Variants in ARL15 observed in about 807,000 individuals in gnomAD.
ARL15 encodes ADP-ribosylation factor-like protein 15.
A neutral mutation model predicts 25.2 loss-of-function variants in ARL15; 19 were observed. The ratio of observed to expected loss-of-function variants is 0.75; its 90% confidence interval spans 0.53 to 1.10. The LOEUF (loss-of-function observed/expected upper bound fraction) is 1.10, where lower values mean the gene tolerates loss of function less well. Ranked by LOEUF, ARL15 falls within the 50% of genes least tolerant of loss-of-function variation. The pLI is 0.00. For synonymous variants in ARL15, 94 were observed against 86.8 expected (o/e 1.08, Z -0.46); for missense variants, 220 against 246.0 (o/e 0.89, Z 0.71).
At chr5:54,027,358 G>A (rs1749813695) in intron 4 of ARL15, among the ~76,000 whole-genome samples, 1 of 152,160 alleles carries the variant, frequency 6.6e-6, no homozygotes, top group Non-Finnish European at 1.5e-5. Flanking sequence ...AATTGTGAAT[G>A]GTGAGATTCC....
intron 3 of ARL15, among the ~76,000 whole-genome samples, chr5:54,126,212 C>T (rs1753247228): frequency 6.6e-6 from 1 of 152,164 alleles, no homozygotes. Flanking sequence ...ATCACGAAAA[C>T]ACTCAGTTCA....
chr5:54,160,081 A>G (rs1394166136), intron 2 of ARL15, among the ~76,000 whole-genome samples: 1 of 152,240 alleles, frequency 6.6e-6, no homozygotes, highest in Non-Finnish European at 1.5e-5. Context: ...AGGGAAAGAC[A>G]TTCTACAGAT....
intron 3 of ARL15, among the ~76,000 whole-genome samples, chr5:54,144,484 C>A (rs546207487): frequency 6.6e-6 from 1 of 152,200 alleles, no homozygotes; most frequent in East Asian, 1.9e-4. Context: ...TTCTTAATTT[C>A]TGTGCTTGAG....
In ARL15 at chr5:53,951,387, T is replaced by C. The variant is rs966876419; in HGVS notation, c.463-64674A>G. On this transcript the variant is annotated intron_variant, in intron 4 of 4. Transcript: ENST00000504924. ...GCTTTTGTAGAATACAAAAATCATA[T>C]ACTTTGGATGTTGCAGAGATGTCAG... The C allele has an allele frequency of 7.4e-6, 3 of 406,260 alleles. No individual in the cohort carries two copies. The Admixed American group carries it at 9.9e-5, about 13-fold the overall frequency. 25.2% of individuals were successfully genotyped at this position (406,260 alleles called of 1,614,324 possible).
At chr5:54,067,822 C>A (rs1159587864) in intron 4 of ARL15, among the ~76,000 whole-genome samples, 1 of 152,198 alleles carries the variant, frequency 6.6e-6, no homozygotes, top group African/African-American at 2.4e-5. Context: ...TGTGCCAAAT[C>A]TCTTGACAAG....
At chr5:54,277,881 C>T (rs2112660709) in intron 1 of ARL15, among the ~76,000 whole-genome samples, 1 of 152,352 alleles carries the variant, frequency 6.6e-6, no homozygotes, top group South Asian at 2.1e-4. Flanking sequence ...TAGTTCAAAT[C>T]TCCATCACTT....
At chr5:54,306,391 C>CTTTT (rs11338403) in intron 1 of ARL15, among the ~76,000 whole-genome samples, 28 of 134,512 alleles carry the variant, frequency 2.1e-4, no homozygotes, top group Non-Finnish European at 3.0e-4. Flanking sequence ...AATACGTTAA[C>CTTTT]TTTTTTTTTT....
At chr5:54,298,936 T>A (rs1337598694) in intron 1 of ARL15, among the ~76,000 whole-genome samples, 1 of 151,832 alleles carries the variant, frequency 6.6e-6, no homozygotes, top group East Asian at 1.9e-4. Context: ...TGAGGTCTTG[T>A]TCTGTCACCC....
chr5:54,201,014 T>C (rs556544039), intron 1 of ARL15, among the ~76,000 whole-genome samples: 2 of 151,962 alleles, frequency 1.3e-5, no homozygotes, highest in African/African-American at 2.4e-5. Flanking sequence ...ACGCCCTTTG[T>C]CTCCAATTAA....
intron 4 of ARL15, among the ~76,000 whole-genome samples, chr5:54,059,523 T>C (rs188396181): frequency 9.3e-4 from 142 of 152,340 alleles, no homozygotes; most frequent in Non-Finnish European, 1.6e-3. Context: ...ACTGGTATTA[T>C]AGCATTTATG....
intron 1 of ARL15, among the ~76,000 whole-genome samples, chr5:54,240,237 A>AT (rs2112574173): frequency 6.8e-6 from 1 of 147,116 alleles, no homozygotes; most frequent in Admixed American, 6.9e-5. Context: ...AAAAATAAAA[A>AT]AAAAAAAAAC....
At chr5:53,892,829 C>A (rs1744762880) in intron 4 of ARL15, among the ~76,000 whole-genome samples, 1 of 152,026 alleles carries the variant, frequency 6.6e-6, no homozygotes, top group Non-Finnish European at 1.5e-5. Context: ...TGGTCTTGAA[C>A]TCCTGGCCTC....
intron 4 of ARL15, among the ~76,000 whole-genome samples, chr5:54,015,832 A>C (rs1749409936): frequency 6.6e-6 from 1 of 152,150 alleles, no homozygotes; most frequent in Admixed American, 6.6e-5. Context: ...TGTTCTGAAA[A>C]CCTATACTTT....
At chr5:54,294,058 G>C (rs1002807136) in intron 1 of ARL15, among the ~76,000 whole-genome samples, 1 of 152,064 alleles carries the variant, frequency 6.6e-6, no homozygotes, top group African/African-American at 2.4e-5. Context: ...CATGTGATCC[G>C]CCTGCCTCGG....
chr5:54,204,852 T>C (rs1363703917), intron 1 of ARL15, among the ~76,000 whole-genome samples: 1 of 152,182 alleles, frequency 6.6e-6, no homozygotes, highest in East Asian at 1.9e-4. Context: ...TTTGTGTAGC[T>C]TGTGCACTGT....
chr5:53,907,488 A>AT lies in ARL15; in HGVS notation c.463-20776dup, dbSNP rs869174212. The stretch of plus-strand genomic sequence containing the variant: ...TATATATATATATATATATATATAT[A>AT]TTTTTTTTTTTTTTTTTTTTTTTTT... On this transcript the variant is annotated intron_variant, in intron 4 of 4. Coordinates refer to ENST00000504924, the MANE Select transcript of ARL15 (RefSeq NM_019087.3). Among the ~76,000 whole-genome samples, 131 of 18,014 alleles carry AT rather than the reference A, an allele frequency of 7.3e-3. 31 individuals carry two copies. The highest frequency in any genetic ancestry group is 9.2e-3 in the Non-Finnish European group (108 of 11,734). 11.8% of individuals were successfully genotyped at this position (18,014 alleles called of 152,430 possible).
intron 1 of ARL15, among the ~76,000 whole-genome samples, chr5:54,207,982 G>A (rs143049488): frequency 6.6e-6 from 1 of 152,266 alleles, no homozygotes; most frequent in East Asian, 1.9e-4. Context: ...CAGAAAAGGA[G>A]AATTAAGTAA....
intron 4 of ARL15, among the ~76,000 whole-genome samples, chr5:54,012,510 AAAT>A (rs1749277589): frequency 2.0e-5 from 3 of 152,186 alleles, no homozygotes; most frequent in South Asian, 4.1e-4. Flanking sequence ...AAACAACAAA[AAAT>A]AATATTTCTT....
chr5:54,196,748 T>G (rs1280680983), intron 1 of ARL15, among the ~76,000 whole-genome samples: 1 of 152,114 alleles, frequency 6.6e-6, no homozygotes, highest in Non-Finnish European at 1.5e-5. Flanking sequence ...TATAAAACTG[T>G]GATTAAACAG....
Sources: allele counts gnomAD v4.1 joint callset (sites outside exome capture counted in the v4.1 genomes callset), GRCh38; gene constraint gnomAD v4.1.1; transcripts MANE v1.5; gene names NCBI Gene and HGNC (gene_info 2026-07-23, HGNC 2026-07-21).